The following PLEKHG1 variants were observed in gnomAD, a reference collection of about 807,000 sequenced individuals.
PLEKHG1 encodes the protein pleckstrin homology domain-containing family G member 1.
PLEKHG1 carries 44 observed loss-of-function variants against 100.8 expected under a neutral mutation model. The observed-to-expected ratio is 0.44, with a 90% CI of 0.34 to 0.56. PLEKHG1 has a LOEUF of 0.56. Among genes scored for constraint, PLEKHG1 ranks in the 20% least tolerant of loss-of-function variants. PLEKHG1 has a pLI of 0.01. For missense variants in PLEKHG1, 1,545 were observed against 1,720.9 expected, an observed-to-expected ratio of 0.90 and a Z score of 1.81; for synonymous variants, 640 against 662.5, an observed-to-expected ratio of 0.97 and a Z score of 0.52.
intron 10 of PLEKHG1, among the ~76,000 whole-genome samples, chr6:150,810,162 G>A (rs1278186192): frequency 6.6e-6 from 1 of 151,860 alleles, no homozygotes; most frequent in Non-Finnish European, 1.5e-5. Context: ...CACCCGGCAT[G>A]ATGGCACGCA....
chr6:150,664,845 T>C (rs936098668), intron 3 of PLEKHG1, among the ~76,000 whole-genome samples: 3 of 152,196 alleles, frequency 2.0e-5, no homozygotes, highest in Admixed American at 6.5e-5. Context: ...GAGATGCTTC[T>C]ATCTCGGGGA....
intron 2 of PLEKHG1, among the ~76,000 whole-genome samples, chr6:150,761,400 C>T (rs9397355): frequency 0.36 from 55,246 of 151,892 alleles, 12,367 homozygotes; most frequent in African/African-American, 0.61. Flanking sequence ...CTCCACCTCC[C>T]AGGTTCAAGC....
chr6:150,646,434 G>T (rs1317567239), intron 2 of PLEKHG1, among the ~76,000 whole-genome samples: 1 of 152,106 alleles, frequency 6.6e-6, no homozygotes, highest in African/African-American at 2.4e-5. Flanking sequence ...GAGCACATGG[G>T]CTGGGAGTAG....
intron 11 of PLEKHG1, among the ~76,000 whole-genome samples, chr6:150,819,039 A>G (rs1369758865): frequency 6.6e-6 from 1 of 151,932 alleles, no homozygotes; most frequent in African/African-American, 2.4e-5. Context: ...CCGAGAAATG[A>G]TGCCCAGAGC....
intron 2 of PLEKHG1, among the ~76,000 whole-genome samples, chr6:150,759,753 C>T (rs958822402): frequency 2.0e-5 from 3 of 152,126 alleles, no homozygotes. Flanking sequence ...GCCTATAAGC[C>T]CAGCACTTTG....
intron 15 of PLEKHG1, among the ~76,000 whole-genome samples, chr6:150,838,077 T>A (rs985683111): frequency 6.6e-5 from 10 of 152,176 alleles, no homozygotes; most frequent in African/African-American, 2.2e-4. Context: ...TCTCTCCTCA[T>A]AGAAGATAGA....
intron 6 of PLEKHG1, among the ~76,000 whole-genome samples, chr6:150,801,431 TC>T (rs1562529997): frequency 2.3e-5 from 3 of 131,128 alleles, no homozygotes. Flanking sequence ...TTTTTTCTTT[TC>T]TTTTCTTTTT....
In PLEKHG1 at chr6:150,770,621, T is replaced by A. The variant is rs148964572; in HGVS notation, c.512+1883T>A. Among the ~76,000 whole-genome samples the A allele has an allele frequency of 1.4e-4, 21 of 152,168 alleles. 1 individual carries two copies. The highest frequency in any genetic ancestry group is 5.1e-4 in the African/African-American group (21 of 41,498). On this transcript the variant is annotated intron_variant, in intron 3 of 15. Transcript: ENST00000358517. ...GTGCAGCCATGGTTGAGATACACAG[T>A]CTAGATAAAATGAAAGAAAAAGAAA...
intron 2 of PLEKHG1, among the ~76,000 whole-genome samples, chr6:150,645,104 G>T (rs1479424630): frequency 6.6e-6 from 1 of 152,142 alleles, no homozygotes; most frequent in Non-Finnish European, 1.5e-5. Context: ...AGTTATTTAG[G>T]CAGTGTGATT....
chr6:150,640,510 T>C lies in PLEKHG1; in HGVS notation c.-158+2385T>C, dbSNP rs534825920. Among the ~76,000 whole-genome samples the C allele has an allele frequency of 7.4e-4, 113 of 152,286 alleles. 1 individual carries two copies. The highest frequency in any genetic ancestry group is 6.8e-3 in the Middle Eastern group (2 of 294). On this transcript the variant is annotated intron_variant, in intron 2 of 3. Transcript: ENST00000367326. ...CAGGGATGCTTTGGCTTACTCTTCC[T>C]TTTTCAGTATTTTCTACCCCTTCCT...
At chr6:150,648,921 A>G (rs1157082185) in intron 2 of PLEKHG1, among the ~76,000 whole-genome samples, 1 of 152,088 alleles carries the variant, frequency 6.6e-6, no homozygotes, top group Non-Finnish European at 1.5e-5. Context: ...TTTCTGTGAT[A>G]TAGTCCTCTA....
intron 3 of PLEKHG1, among the ~76,000 whole-genome samples, chr6:150,656,483 G>T (rs903638863): frequency 3.9e-5 from 6 of 152,052 alleles, no homozygotes; most frequent in Non-Finnish European, 4.4e-5. Flanking sequence ...ATTTCAGTAA[G>T]GTTAATTGGT....
chr6:150,644,334 G>GTTTTGTTTTTTTTTTTTTTTTTTTT (rs1554255839), intron 2 of PLEKHG1, among the ~76,000 whole-genome samples: 1 of 117,622 alleles, frequency 8.5e-6, no homozygotes, highest in African/African-American at 3.5e-5. Flanking sequence ...TTCTTTTCGT[G>GTTTTGTTTTTTTTTTTTTTTTTTTT]TTTTTTTTTT....
intron 7 of PLEKHG1, among the ~76,000 whole-genome samples, chr6:150,805,975 A>C (rs1298280076): frequency 6.6e-6 from 1 of 152,226 alleles, no homozygotes; most frequent in African/African-American, 2.4e-5. Flanking sequence ...ATTAAAAACA[A>C]AACAAGAGGC....
chr6:150,711,921 G>A (rs929457849), intron 3 of PLEKHG1, among the ~76,000 whole-genome samples: 3 of 152,204 alleles, frequency 2.0e-5, no homozygotes, highest in African/African-American at 4.8e-5. Context: ...TTGTATCACC[G>A]TGTAAAAAAC....
chr6:150,830,678 C>T, exon 15 of PLEKHG1: 1 of 1,614,150 alleles, frequency 6.2e-7, no homozygotes, highest in Non-Finnish European at 8.5e-7. Context: ...GATCAGCGTG[C>T]TTCGAGCGGG....
intron 3 of PLEKHG1, among the ~76,000 whole-genome samples, chr6:150,678,182 C>T (rs1376604974): frequency 1.4e-5 from 2 of 146,874 alleles, no homozygotes; most frequent in Non-Finnish European, 3.0e-5. Context: ...TTGAGGTCTA[C>T]AATACGTTAC....
At chr6:150,670,869 G>GC (rs149940870) in intron 3 of PLEKHG1, among the ~76,000 whole-genome samples, 263 of 145,662 alleles carry the variant, frequency 1.8e-3, no homozygotes, top group African/African-American at 5.2e-3. Context: ...TTTATCCCTT[G>GC]CCCCCCCCTC....
chr6:150,621,399 G>T (rs1285888376), intron 1 of PLEKHG1, among the ~76,000 whole-genome samples: 1 of 149,374 alleles, frequency 6.7e-6, no homozygotes, highest in Admixed American at 6.6e-5. Flanking sequence ...TTTTGAGATG[G>T]AGTCTCACTC....
Sources: allele counts gnomAD v4.1 joint callset (sites outside exome capture counted in the v4.1 genomes callset), GRCh38; gene constraint gnomAD v4.1.1; transcripts MANE v1.5; gene names NCBI Gene and HGNC (gene_info 2026-07-23, HGNC 2026-07-21).